The following RIPK1 variants were observed in gnomAD, a reference collection of about 807,000 sequenced individuals.
RIPK1 encodes receptor-interacting serine/threonine-protein kinase 1.
A neutral mutation model predicts 62.4 loss-of-function variants in RIPK1; 27 were observed. The observed-to-expected ratio is 0.43, with a 90% CI of 0.32 to 0.60. The LOEUF (loss-of-function observed/expected upper bound fraction) is 0.60. RIPK1 is among the 20% of genes least tolerant of loss of function. RIPK1 has a pLI of 0.07. For missense variants in RIPK1, 735 were observed against 831.0 expected (o/e 0.88, Z 1.42); for synonymous variants, 287 against 303.2 (o/e 0.95, Z 0.55).
chr6:3,099,990 C>T (rs893480638), intron 7 of RIPK1, among the ~76,000 whole-genome samples: 1 of 152,102 alleles, frequency 6.6e-6, no homozygotes, highest in South Asian at 2.1e-4. Flanking sequence ...ATCTAAACTA[C>T]AGAATACTAA....
intron 3 of RIPK1, among the ~76,000 whole-genome samples, chr6:3,078,547 T>C (rs1000537604): frequency 6.6e-6 from 1 of 152,220 alleles, no homozygotes; most frequent in Non-Finnish European, 1.5e-5. Context: ...GTCTTCATGA[T>C]GCAGACATCA....
At chr6:3,076,386 T>A (rs1043213575) in intron 1 of RIPK1, among the ~76,000 whole-genome samples, 5 of 152,242 alleles carry the variant, frequency 3.3e-5, no homozygotes, top group African/African-American at 1.2e-4. Context: ...TGATCTTTTC[T>A]GCCAGGTACA....
chr6:3,077,728 C>T (rs943973513), intron 2 of RIPK1, 51 bp from the exon 3 acceptor site: 9 of 1,602,706 alleles, frequency 5.6e-6, no homozygotes, highest in African/African-American at 4.0e-5. Flanking sequence ...GCACCAGGCT[C>T]TTGAGGCGCT....
At position 3,105,248 on chromosome 6, in the gene RIPK1, C is replaced by T. The variant is rs559827852; in HGVS notation, c.1007-234C>T. On this transcript the variant is annotated intron_variant, in intron 8 of 10. Transcript: ENST00000259808. This position sits in a 1 kb window ranked among gnomAD's most constrained non-coding sequence, Gnocchi z 4.5. The stretch of plus-strand genomic sequence containing the variant: ...TTTCCTTGATCATCCCTGCAACAGC[C>T]GCTTTTCTCTTGCTTGCTATAATTT... 1.5e-4 allele frequency among the ~76,000 whole-genome samples: 23 copies of T among 152,252 alleles called. No homozygotes were observed. Among genetic ancestry groups the T allele is most frequent in the Non-Finnish European group, 2.4e-4 (16 of 68,022 alleles).
chr6:3,064,463 C>T (rs1345620410), upstream of RIPK1, among the ~76,000 whole-genome samples: 1 of 152,226 alleles, frequency 6.6e-6, no homozygotes, highest in Non-Finnish European at 1.5e-5. Context: ...AATCCGAGCA[C>T]TCTTACCCAT....
intron 6 of RIPK1, among the ~76,000 whole-genome samples, 169 bp from the exon 7 acceptor site, chr6:3,089,408 TTCTG>T (rs1759896716): frequency 6.6e-6 from 1 of 152,248 alleles, no homozygotes; most frequent in South Asian, 2.1e-4. Context: ...CTATCCCTTG[TTCTG>T]TCTATTAATC....
rs1759253969 is a variant in RIPK1, at chr6:3,079,260, A to ACT, written c.321+1325_321+1326insCT. Among the ~76,000 whole-genome samples, 3 of 151,930 alleles carry ACT rather than the reference A, an allele frequency of 2.0e-5. No homozygotes were observed. The South Asian group carries it at 6.2e-4, about 32-fold the overall frequency. On this transcript the variant is annotated intron_variant, in intron 3 of 10. Transcript: ENST00000259808. ...ATGCCTGGCTATTTTTTTAATTTTT[A>ACT]GTAGAGACAAGTTTTCACCATGTTG... is the stretch of plus-strand genomic sequence containing the variant.
rs548719836 is a variant in RIPK1 at position 3,096,654 on chromosome 6, G to T, written c.915+6997G>T. 2.7e-5 allele frequency among the ~76,000 whole-genome samples: 4 copies of T among 146,818 alleles called. No individual in the cohort carries two copies. In the South Asian group the frequency reaches 8.8e-4, roughly 32 times the overall value. ...GGCTCACTGCAAGCTCTGCCTCCTG[G>T]GTTCATACAATTCTCCTGCCTCAGT... On this transcript the variant is annotated intron_variant, in intron 7 of 10. Coordinates refer to ENST00000259808, the MANE Select transcript of RIPK1 (RefSeq NM_001354930.2).
chr6:3,097,123 G>A (rs745535426), intron 7 of RIPK1, among the ~76,000 whole-genome samples: 5 of 150,390 alleles, frequency 3.3e-5, no homozygotes, highest in Non-Finnish European at 5.9e-5. Flanking sequence ...CGCCTGCCTT[G>A]GCCTCCCAAA....
At chr6:3,076,698 ACATATATAT>A in intron 1 of RIPK1, 57 bp from the exon 2 acceptor site, 11 of 267,652 alleles carry the variant, frequency 4.1e-5, no homozygotes, top group Non-Finnish European at 4.8e-5. Flanking sequence ...AAAAAAAAAA[ACATATATAT>A]ATATATATAT....
In RIPK1 at chr6:3,113,438, T is replaced by C. The variant is rs893695044; in HGVS notation, c.*99T>C. On this transcript the variant is annotated 3_prime_UTR_variant, in exon 11 of 11. Coordinates refer to ENST00000259808, the MANE Select transcript of RIPK1 (RefSeq NM_001354930.2). The surrounding 1 kb of genome is among the most constrained non-coding windows in gnomAD (Gnocchi z 5.0). ...GCATTCAGAATTCTGTCCTCACTGA[T>C]AGGGGTTCTGTGTCTGCAGAAATTT... 2 of 1,160,282 alleles carry C rather than the reference T, an allele frequency of 1.7e-6. No individual in the cohort carries two copies. The highest frequency in any genetic ancestry group is 5.1e-5 in the East Asian group (2 of 39,534). The allele number at this position is 1,160,282 out of a possible 1,614,324, so 71.9% of individuals were successfully genotyped here.
At chr6:3,077,501 G>A (rs1759135092) in intron 2 of RIPK1, among the ~76,000 whole-genome samples, 1 of 151,460 alleles carries the variant, frequency 6.6e-6, no homozygotes, top group Non-Finnish European at 1.5e-5. Flanking sequence ...TCTTTTTTCA[G>A]GTTACCTTGC....
chr6:3,106,828 G>A (rs1357728909), intron 9 of RIPK1, among the ~76,000 whole-genome samples: 2 of 152,220 alleles, frequency 1.3e-5, no homozygotes, highest in African/African-American at 4.8e-5. Flanking sequence ...ACATTAAGCA[G>A]TATCCAAGTC....
At chr6:3,079,112 CT>C (rs2113586713) in intron 3 of RIPK1, among the ~76,000 whole-genome samples, 1 of 152,024 alleles carries the variant, frequency 6.6e-6, no homozygotes, top group South Asian at 2.1e-4. Flanking sequence ...AGGAGTCTCG[CT>C]CTGTCGCCCA....
intron 4 of RIPK1, among the ~76,000 whole-genome samples, chr6:3,082,483 T>A (rs1759446103): frequency 6.6e-6 from 1 of 152,174 alleles, no homozygotes; most frequent in Non-Finnish European, 1.5e-5. Flanking sequence ...GTGTCTGACC[T>A]TGCTATTTTT....
chr6:3,080,535 G>C (rs1232821548), intron 3 of RIPK1, among the ~76,000 whole-genome samples: 1 of 152,042 alleles, frequency 6.6e-6, no homozygotes, highest in African/African-American at 2.4e-5. Flanking sequence ...TTTTACACGC[G>C]ACATTTGCAT....
At chr6:3,076,699 C>CATACAT (rs759690606) in intron 1 of RIPK1, 65 bp from the exon 2 acceptor site, 27,734 of 211,020 alleles carry the variant, frequency 0.13, 3,001 homozygotes, top group South Asian at 0.19. Context: ...AAAAAAAAAA[C>CATACAT]ATATATATAT....
chr6:3,065,225 C>G (rs1334683510), upstream of RIPK1, among the ~76,000 whole-genome samples: 2 of 140,246 alleles, frequency 1.4e-5, no homozygotes, highest in Non-Finnish European at 1.5e-5. Context: ...CCACTGCACT[C>G]CAGCACTCCA....
At chr6:3,088,838 C>T (rs925315904) in intron 6 of RIPK1, 2 of 152,288 alleles carry the variant, frequency 1.3e-5, no homozygotes, top group African/African-American at 4.8e-5. Flanking sequence ...CTGTCCCTTG[C>T]TGCCCCTTGC....
Sources: allele counts gnomAD v4.1 joint callset (sites outside exome capture counted in the v4.1 genomes callset), GRCh38; gene constraint gnomAD v4.1.1; non-coding constraint Gnocchi (gnomAD v3.1); transcripts MANE v1.5; gene names NCBI Gene and HGNC (gene_info 2026-07-23, HGNC 2026-07-21).